The following ADH5 variants were observed in gnomAD, a reference collection of about 807,000 sequenced individuals.
ADH5 encodes alcohol dehydrogenase 5 (class III), chi polypeptide.
ADH5 carries 32 observed loss-of-function variants against 40.3 expected under a neutral mutation model. The ratio of observed to expected loss-of-function variants is 0.79; its 90% CI spans 0.60 to 1.07. The LOEUF is 1.07. ADH5 is among the 50% of genes least tolerant of loss of function. The pLI is 0.00. For synonymous variants in ADH5, 125 were observed against 154.3 expected, an observed-to-expected ratio of 0.81 and a Z score of 1.41; for missense variants, 353 against 460.5, an observed-to-expected ratio of 0.77 and a Z score of 2.14.
chr4:99,082,090 G>C lies in ADH5; in HGVS notation c.141C>G (p.Thr47=). The change falls in exon 3 of 9, where the codon ACC becomes ACG. Residue 47 remains threonine (T), a synonymous_variant. Transcript: ENST00000296412. ...CAGCTCCACTCAGGGTATAGGCATC[G>C]GTGTGGCAAACCGCAGTGGCAATGA... is the stretch of plus-strand genomic sequence containing the variant. The part of the protein sequence containing the change: ...IKIIATAVCH[T]DAYTLSGADP... 2 of 1,613,822 alleles carry C rather than the reference G, an allele frequency of 1.2e-6. No individual in the cohort carries two copies. The highest frequency in any genetic ancestry group is 1.7e-6 in the Non-Finnish European group (2 of 1,179,800).
chr4:99,074,498 T>C (rs1347548548), intron 7 of ADH5, among the ~76,000 whole-genome samples: 1 of 152,164 alleles, frequency 6.6e-6, no homozygotes, highest in Non-Finnish European at 1.5e-5. Context: ...TATGATCACA[T>C]CCAGTGATCA....
Position 99,076,631 on chromosome 4 carries a change from T to C in ADH5, c.564+73A>G, listed in dbSNP as rs1727937188. ...ACTGGGTTTCATACAGATTGGCCAA[T>C]TTCACTATTCCAGGAAAGTTTCACT... On this transcript the variant is annotated intron_variant, in intron 5 of 8. Transcript: ENST00000296412. 3 of 1,593,438 alleles carry C rather than the reference T, an allele frequency of 1.9e-6. No homozygotes were observed. The East Asian group carries it at 6.7e-5, about 36-fold the overall frequency.
At chr4:99,085,022 T>TG (rs1260380647) in intron 2 of ADH5, 93 bp downstream of exon 2, 1 of 560,790 alleles carries the variant, frequency 1.8e-6, no homozygotes, top group African/African-American at 1.9e-5. Flanking sequence ...CACTGTCCTT[T>TG]GGGATTTATC....
intron 7 of ADH5, 30 bp downstream of exon 7, chr4:99,074,883 GA>G: frequency 6.4e-7 from 1 of 1,561,482 alleles, no homozygotes; most frequent in Non-Finnish European, 8.7e-7. Context: ...TAACAAAAGA[GA>G]AAATGCAGTC....
intron 4 of ADH5, among the ~76,000 whole-genome samples, chr4:99,081,077 C>T (rs1409231480): frequency 2.0e-5 from 3 of 152,174 alleles, no homozygotes; most frequent in African/African-American, 7.2e-5. Context: ...TCATAAAACA[C>T]GTTGTTCCTT....
At chr4:99,085,010 G>T in intron 2 of ADH5, 105 bp downstream of exon 2, 1 of 502,144 alleles carries the variant, frequency 2.0e-6, no homozygotes, top group South Asian at 8.3e-5. Flanking sequence ...CCTTTTCTTT[G>T]ACACTGTCCT....
intron 1 of ADH5, among the ~76,000 whole-genome samples, chr4:99,086,641 TAAGA>T (rs1382548694): frequency 2.9e-4 from 44 of 152,092 alleles, no homozygotes; most frequent in Admixed American, 2.4e-3. Flanking sequence ...GAGAACTGAA[TAAGA>T]AAGAATATGA....
chr4:99,085,602 G>T, intron 1 of ADH5: 1 of 368,728 alleles, frequency 2.7e-6, no homozygotes, highest in Non-Finnish European at 5.5e-6. Context: ...TTTTGCTCAG[G>T]CTGTTCTGAA....
chr4:99,081,888 A>T, intron 3 of ADH5, 87 bp downstream of exon 3: 1 of 1,377,278 alleles, frequency 7.3e-7, no homozygotes. Context: ...ACCTATTCAT[A>T]AATAGTGGGT....
rs767698666 is a variant in ADH5 at position 99,074,982 on chromosome 4, C to T, written c.893G>A (p.Gly298Asp). ...GAATGGACGAGTGGCAATTTCTTCA[C>T]CTGAAGCAGCTACTCCAACCACGAC... ...VSVVVGVAASGEEIATRPFQL... is the reference protein window; with the variant it reads ...VSVVVGVAASDEEIATRPFQL... The change falls in exon 7 of 9, where the codon GGT becomes GAT. Residue 298 changes from glycine to aspartate, a missense_variant. Physicochemically the swap from Gly to Asp is moderately conservative, Grantham distance 94. Transcript: ENST00000296412. 3.7e-6 allele frequency: 6 copies of T among 1,613,260 alleles called. No individual in the cohort carries two copies. The highest frequency in any genetic ancestry group is 1.3e-5 in the African/African-American group (1 of 74,876).
chr4:99,085,976 G>T (rs770163215), intron 1 of ADH5, among the ~76,000 whole-genome samples: 15 of 152,164 alleles, frequency 9.9e-5, no homozygotes, highest in Admixed American at 9.8e-4. Flanking sequence ...GGTGGAGGTT[G>T]CAGTGAGCCG....
At position 99,088,763 on chromosome 4, in the gene ADH5, C is replaced by T. The variant is rs538127712; in HGVS notation, c.-63G>A. 8.7e-7 allele frequency: 1 copy of T among 1,146,008 alleles called. No homozygotes were observed. The highest frequency in any genetic ancestry group is 1.2e-6 in the Non-Finnish European group (1 of 866,856). 71.0% of individuals were successfully genotyped at this position (1,146,008 alleles called of 1,614,324 possible). ...GGGGTGGGCCGCGCAGCGACGGAGG[C>T]ATGGGCGTGGCGAGCGCCTAGCGAG... On this transcript the variant is annotated 5_prime_UTR_variant, in exon 1 of 9. An upstream start codon of the reference 5' UTR is lost. Transcript: ENST00000296412.
chr4:99,072,427 A>T lies in ADH5; in HGVS notation c.1115T>A (p.Val372Glu). The T allele has an allele frequency of 2.5e-6, 4 of 1,613,224 alleles. No homozygotes were observed. Among genetic ancestry groups the T allele is most frequent in the Non-Finnish European group, 3.4e-6 (4 of 1,179,380 alleles). The stretch of plus-strand genomic sequence containing the variant: ...TTTTTCTCTTTTGAATTAAATCTTT[A>T]CAACAGTTCGAATGCTGTAAAAGGA... Reference protein sequence around the residue: ...MHSGKSIRTVVKI With the variant: ...MHSGKSIRTVEKI Residue 372 changes from valine to glutamate, a missense_variant, in exon 9 of 9, where the codon GTA (valine) becomes GAA (glutamate). Val to Glu is a moderately radical substitution (Grantham distance 121, BLOSUM62 -2). Coordinates refer to ENST00000296412, the MANE Select transcript of ADH5 (RefSeq NM_000671.4).
intron 1 of ADH5, among the ~76,000 whole-genome samples, chr4:99,087,419 T>G (rs1728168044): frequency 1.3e-5 from 2 of 150,784 alleles, no homozygotes; most frequent in Admixed American, 6.6e-5. Context: ...GGAAATGGCC[T>G]CTGTAAATTG....
rs1215660980 is a variant in ADH5 at position 99,081,531 on chromosome 4, C to G, written c.257-79G>C. ...AACATCAGCCCTTGCAAATTCCTGT[C>G]AACGGATGTGGCTTTGCAAAGTTAA... On this transcript the variant is annotated intron_variant, in intron 3 of 8. Transcript: ENST00000296412. The G allele has an allele frequency of 3.8e-6, 4 of 1,048,444 alleles. No individual in the cohort carries two copies. The East Asian group carries it at 1.0e-4, about 27-fold the overall frequency. 64.9% of individuals were successfully genotyped at this position (1,048,444 alleles called of 1,614,324 possible). A position where few individuals can be genotyped will look rare whatever the true frequency, so the allele number is the denominator to read the frequency against.
intron 1 of ADH5, 195 bp from the exon 2 acceptor site, chr4:99,085,411 T>C (rs1042372116): frequency 1.7e-5 from 7 of 420,206 alleles, no homozygotes; most frequent in African/African-American, 1.4e-4. Context: ...TTGAGATGAT[T>C]ACCTGGTCAG....
At chr4:99,076,621 G>C in intron 5 of ADH5, 69 bp from the exon 6 acceptor site, 1 of 1,593,356 alleles carries the variant, frequency 6.3e-7, no homozygotes, top group Non-Finnish European at 8.6e-7. Context: ...GTTTCATACA[G>C]ATTGGCCAAT....
At chr4:99,078,175 T>C (rs1242733909) in intron 4 of ADH5, among the ~76,000 whole-genome samples, 1 of 152,158 alleles carries the variant, frequency 6.6e-6, no homozygotes, top group African/African-American at 2.4e-5. Flanking sequence ...TCCTCCTGCA[T>C]CTCAGTACCA....
chr4:99,082,138 G>GA (rs770816560), intron 2 of ADH5, 22 bp from the exon 3 acceptor site: 2 of 1,611,416 alleles, frequency 1.2e-6, no homozygotes, highest in East Asian at 2.2e-5. Flanking sequence ...TTAAAACAAC[G>GA]AATGTGTAAG....
Sources: gnomAD v4.1 joint callset for allele counts (sites outside exome capture counted in the v4.1 genomes callset) on GRCh38, gnomAD v4.1.1 for gene constraint, MANE v1.5 for transcripts, NCBI Gene and HGNC (gene_info 2026-07-23, HGNC 2026-07-21) for gene names.